Variants in NUCB2 observed in about 807,000 individuals in gnomAD.
NUCB2 encodes the protein nucleobindin 2, also known as nucleobindin-2.
A neutral mutation model predicts 57.9 loss-of-function variants in NUCB2; 48 were observed. The ratio of observed to expected loss-of-function variants is 0.83; its 90% confidence interval spans 0.66 to 1.05. The LOEUF is 1.05. Ranked by LOEUF, NUCB2 falls within the 50% of genes least tolerant of loss-of-function variation. NUCB2 has a pLI of 0.00. For synonymous variants in NUCB2, 139 were observed against 152.1 expected, an observed-to-expected ratio of 0.91 and a Z score of 0.64; for missense variants, 442 against 476.2, an observed-to-expected ratio of 0.93 and a Z score of 0.67.
At chr11:17,329,653 G>A (rs1371331292) in intron 11 of NUCB2, among the ~76,000 whole-genome samples, 1 of 152,232 alleles carries the variant, frequency 6.6e-6, no homozygotes, top group Non-Finnish European at 1.5e-5. Flanking sequence ...TCTGCCACGA[G>A]GGAATGGGAG....
intron 4 of NUCB2, among the ~76,000 whole-genome samples, chr11:17,301,427 G>A (rs1167464757): frequency 2.0e-5 from 3 of 151,552 alleles, no homozygotes; most frequent in Non-Finnish European, 2.9e-5. Flanking sequence ...TGACAGGCGT[G>A]TGTCACCATG....
At chr11:17,349,433 T>G (rs1953042364) in exon 3 of NUCB2, 1 of 152,276 alleles carries the variant, frequency 6.6e-6, no homozygotes, top group African/African-American at 2.4e-5. Context: ...TTTGTCCTAG[T>G]GCATGGTTTC....
chr11:17,321,346 T>A (rs573100787), intron 11 of NUCB2, among the ~76,000 whole-genome samples: 63 of 152,292 alleles, frequency 4.1e-4, no homozygotes, highest in African/African-American at 1.4e-3. Flanking sequence ...AGTAGGAACA[T>A]GTGATATTTG....
intron 2 of NUCB2, among the ~76,000 whole-genome samples, chr11:17,342,909 G>C (rs1952399210): frequency 6.6e-6 from 1 of 152,126 alleles, no homozygotes; most frequent in Non-Finnish European, 1.5e-5. Flanking sequence ...TGTTGACAGT[G>C]GGGTGTTAAA....
chr11:17,288,495 A>G (rs536568140), intron 2 of NUCB2, among the ~76,000 whole-genome samples: 19 of 151,442 alleles, frequency 1.3e-4, no homozygotes, highest in East Asian at 3.9e-4. Context: ...ACCCAGCCCA[A>G]TGGAATCTTA....
At chr11:17,282,258 A>ATATATTT (rs1388672393) in intron 1 of NUCB2, among the ~76,000 whole-genome samples, 1 of 103,482 alleles carries the variant, frequency 9.7e-6, no homozygotes, top group African/African-American at 4.5e-5. Context: ...ATATATATAT[A>ATATATTT]TTTTTTTTTT....
At chr11:17,285,236 G>C (rs977131027) in intron 2 of NUCB2, among the ~76,000 whole-genome samples, 1 of 151,912 alleles carries the variant, frequency 6.6e-6, no homozygotes, top group East Asian at 1.9e-4. Context: ...GACCATCCTG[G>C]CTAACATGGT....
intron 11 of NUCB2, among the ~76,000 whole-genome samples, chr11:17,316,888 G>T (rs1248960198): frequency 6.6e-6 from 1 of 152,168 alleles, no homozygotes; most frequent in Non-Finnish European, 1.5e-5. Flanking sequence ...CAAGGATGTG[G>T]AACTTTTCAT....
At chr11:17,296,016 G>C in intron 3 of NUCB2, 88 bp from the exon 4 acceptor site, 2 of 622,540 alleles carry the variant, frequency 3.2e-6, no homozygotes, top group Non-Finnish European at 5.4e-6. Flanking sequence ...ATGCCATTTT[G>C]CTAGAAATTG....
At chr11:17,345,932 A>C (rs1952700660) in intron 2 of NUCB2, among the ~76,000 whole-genome samples, 1 of 152,186 alleles carries the variant, frequency 6.6e-6, no homozygotes, top group Non-Finnish European at 1.5e-5. Context: ...AATTCATTTT[A>C]TAAATATATG....
chr11:17,327,513 C>T (rs1438826261), intron 11 of NUCB2, among the ~76,000 whole-genome samples: 1 of 152,128 alleles, frequency 6.6e-6, no homozygotes, highest in Non-Finnish European at 1.5e-5. Flanking sequence ...AAACTTTCTA[C>T]CCTTATCTCT....
chr11:17,335,804 A>G (rs553133766), downstream of NUCB2, among the ~76,000 whole-genome samples: 15 of 151,670 alleles, frequency 9.9e-5, no homozygotes, highest in Non-Finnish European at 2.1e-4. Context: ...CCAGCCTATT[A>G]TTCCTAAGAA....
At chr11:17,309,896 C>G (rs1948228488) in intron 6 of NUCB2, among the ~76,000 whole-genome samples, 1 of 152,152 alleles carries the variant, frequency 6.6e-6, no homozygotes, top group South Asian at 2.1e-4. Context: ...AAACTGAAAC[C>G]TGGCCTGAAT....
chr11:17,337,421 G>A (rs1951909771), exon 2 of NUCB2: 1 of 152,168 alleles, frequency 6.6e-6, no homozygotes, highest in South Asian at 2.1e-4. Context: ...TGTCATGCAG[G>A]ATTTTTATCC....
intron 13 of NUCB2, 106 bp downstream of exon 13, chr11:17,331,089 T>A (rs1951341215): frequency 3.4e-6 from 3 of 876,054 alleles, no homozygotes; most frequent in South Asian, 3.7e-5. Flanking sequence ...TGTTATGTTA[T>A]TTTTTGTGTA....
intron 2 of NUCB2, among the ~76,000 whole-genome samples, chr11:17,337,945 T>A (rs2139578006): frequency 6.6e-6 from 1 of 152,324 alleles, no homozygotes; most frequent in East Asian, 1.9e-4. Flanking sequence ...TTTTCCTTGA[T>A]TTTTAAAAAG....
intron 2 of NUCB2, among the ~76,000 whole-genome samples, chr11:17,293,496 A>C (rs1345121865): frequency 6.6e-6 from 1 of 152,178 alleles, no homozygotes; most frequent in Non-Finnish European, 1.5e-5. Flanking sequence ...AGTTCCTCAA[A>C]AAGTTAAACT....
chr11:17,338,545 TAATA>T (rs1354042531), intron 2 of NUCB2, among the ~76,000 whole-genome samples: 1 of 152,226 alleles, frequency 6.6e-6, no homozygotes, highest in Non-Finnish European at 1.5e-5. Context: ...TTATAATTAG[TAATA>T]AATATATTTC....
chr11:17,322,610 T>C (rs760201488), intron 11 of NUCB2, among the ~76,000 whole-genome samples: 5 of 152,184 alleles, frequency 3.3e-5, no homozygotes, highest in Non-Finnish European at 5.9e-5. Context: ...TTTTATCTAT[T>C]TCTGTGAAAA....
Sources: allele counts gnomAD v4.1 joint callset (sites outside exome capture counted in the v4.1 genomes callset), GRCh38; gene constraint gnomAD v4.1.1; transcripts MANE v1.5; gene names NCBI Gene and HGNC (gene_info 2026-07-23, HGNC 2026-07-21).